ANKRD66: variants seen among roughly 807,000 people sequenced by gnomAD.
ANKRD66 encodes the protein ankyrin repeat domain-containing protein 66.
In ANKRD66, 10 loss-of-function variants were observed where a neutral mutation model predicts 10.9. The observed-to-expected ratio is 0.91, with a 90% CI of 0.56 to 1.55. ANKRD66 has a LOEUF of 1.55. ANKRD66 is among the 40% of genes most tolerant of loss of function. The pLI is 0.00. For missense variants in ANKRD66, 252 were observed against 242.9 expected, an observed-to-expected ratio of 1.04 and a Z score of -0.25; for synonymous variants, 85 against 88.4, an observed-to-expected ratio of 0.96 and a Z score of 0.22.
intron 1 of ANKRD66, among the ~76,000 whole-genome samples, chr6:46,747,601 G>T (rs1203902888): frequency 6.6e-6 from 1 of 152,084 alleles, no homozygotes; most frequent in African/African-American, 2.4e-5. Flanking sequence ...ATGTTTCAAG[G>T]TTCATCCATA....
chr6:46,758,903 CA>C lies in ANKRD66; in HGVS notation c.575del (p.Lys192ArgfsTer23). 1 of 1,550,486 alleles carries C rather than the reference CA, an allele frequency of 6.4e-7. No homozygotes were observed. The highest frequency in any genetic ancestry group is 8.7e-7 in the Non-Finnish European group (1 of 1,146,450). On this transcript the variant is annotated frameshift_variant, in exon 5 of 5. Coordinates refer to ENST00000565422, the MANE Select transcript of ANKRD66 (RefSeq NM_001162435.3). LOFTEE classifies it high-confidence loss of function. ...SRGPTRPSNT[K>X]GRRV Reference sequence around the variant, plus strand: ...GAGGCCCCACCAGGCCCAGCAATACCAAGGGGAGGAGAGTATGAGAACTCAA... The same window carrying C: ...GAGGCCCCACCAGGCCCAGCAATACCAGGGGAGGAGAGTATGAGAACTCAA...
chr6:46,757,705 G>A (rs992255725), intron 4 of ANKRD66: 1 of 152,152 alleles, frequency 6.6e-6, no homozygotes, highest in East Asian at 1.9e-4. Flanking sequence ...ATATCCTAGG[G>A]AATGTTGTGA....
chr6:46,752,389 C>A (rs539813532), intron 3 of ANKRD66, among the ~76,000 whole-genome samples: 31 of 152,250 alleles, frequency 2.0e-4, no homozygotes, highest in African/African-American at 7.2e-4. Flanking sequence ...CATGTGCCAC[C>A]ACGACTAGTG....
Position 46,753,724 on chromosome 6 carries a change from C to A in ANKRD66, c.166C>A (p.Gln56Lys), listed in dbSNP as rs1263030825. The change falls in exon 4 of 5, where the codon CAA becomes AAA. Residue 56 changes from glutamine (Q) to lysine (K), a missense_variant and splice_region_variant. By Grantham distance (53) the Gln-to-Lys change is moderately conservative. Transcript: ENST00000565422. ...TPLHWAAIKG[Q>K]MEVIRLLIEY... ...TGTTTCTTTTTGGTACATCTAAGGG[C>A]AAATGGAGGTGATACGGCTCCTGAT... is the stretch of plus-strand genomic sequence containing the variant. The A allele has an allele frequency of 1.3e-6, 2 of 1,546,172 alleles. No homozygotes were observed. Among genetic ancestry groups the A allele is most frequent in the African/African-American group, 1.4e-5 (1 of 72,936 alleles).
intron 1 of ANKRD66, among the ~76,000 whole-genome samples, chr6:46,747,506 T>A (rs1215304103): frequency 6.6e-6 from 1 of 152,238 alleles, no homozygotes; most frequent in Non-Finnish European, 1.5e-5. Context: ...ACATTCTAGC[T>A]ATCTAGATTT....
intron 4 of ANKRD66, among the ~76,000 whole-genome samples, chr6:46,755,889 A>G (rs910306298): frequency 6.6e-6 from 1 of 152,206 alleles, no homozygotes; most frequent in African/African-American, 2.4e-5. Flanking sequence ...ATAATTTTTG[A>G]ATAGTTTTCT....
chr6:46,748,327 G>A (rs1229850176), intron 1 of ANKRD66, among the ~76,000 whole-genome samples: 1 of 152,094 alleles, frequency 6.6e-6, no homozygotes, highest in African/African-American at 2.4e-5. Flanking sequence ...CACTTGAATT[G>A]CAACTCACCC....
intron 3 of ANKRD66, among the ~76,000 whole-genome samples, chr6:46,752,337 C>T (rs756527314): frequency 2.0e-5 from 3 of 152,160 alleles, no homozygotes; most frequent in South Asian, 4.1e-4. Flanking sequence ...TGGGTTCAAG[C>T]GATTCTCCTG....
At chr6:46,754,673 G>A (rs1269194327) in intron 4 of ANKRD66, among the ~76,000 whole-genome samples, 1 of 152,150 alleles carries the variant, frequency 6.6e-6, no homozygotes, top group African/African-American at 2.4e-5. Context: ...TCATGATGGG[G>A]TGCCCTCCGA....
intron 4 of ANKRD66, among the ~76,000 whole-genome samples, chr6:46,755,019 A>T (rs916472596): frequency 5.3e-5 from 8 of 152,190 alleles, no homozygotes; most frequent in Non-Finnish European, 7.4e-5. Flanking sequence ...TCACTTTATC[A>T]GTTCCTGCAT....
At chr6:46,750,544 C>A (rs186678410) in intron 2 of ANKRD66, among the ~76,000 whole-genome samples, 1 of 150,902 alleles carries the variant, frequency 6.6e-6, no homozygotes, top group Middle Eastern at 3.5e-3. Flanking sequence ...TAAAGACAAT[C>A]TGGTTATACA....
Position 46,751,969 on chromosome 6 carries a change from A to G in ANKRD66, c.21A>G (p.Ser7=). The G allele has an allele frequency of 1.4e-6, 2 of 1,471,402 alleles. No individual in the cohort carries two copies. Among genetic ancestry groups the G allele is most frequent in the Non-Finnish European group, 1.8e-6 (2 of 1,114,058 alleles). The allele number at this position is 1,471,402 out of a possible 1,614,324, so 91.1% of individuals were successfully genotyped here. A position where few individuals can be genotyped will look rare whatever the true frequency, so the allele number is the denominator to read the frequency against. Residue 7 remains serine (S), a synonymous_variant, in exon 3 of 5, where the codon TCA becomes TCG. Coordinates refer to ENST00000565422, the MANE Select transcript of ANKRD66 (RefSeq NM_001162435.3). ...CTGCCATGGAATTGGCCAAAATGTC[A>G]GACATGACAAAGCTTCACCAAGCTG... The part of the protein sequence containing the change: MELAKM[S]DMTKLHQAVA...
rs1397358380 is a variant in ANKRD66, at chr6:46,753,940, T to C, written c.382T>C (p.Phe128Leu). 1 of 1,550,798 alleles carries C rather than the reference T, an allele frequency of 6.4e-7. No homozygotes were observed. Among genetic ancestry groups the C allele is most frequent in the African/African-American group, 1.4e-5 (1 of 72,990 alleles). Residue 128 changes from phenylalanine (F) to leucine (L), a missense_variant, in exon 4 of 5, where the codon TTT (phenylalanine) becomes CTT (leucine). Physicochemically the swap from Phe to Leu is conservative, Grantham distance 22 (BLOSUM62 0). Transcript: ENST00000565422. ...CTATGGACAGAAAGCCTGTGTGGCA[T>C]TTCTGGAAAAGTAAGTTTATTTTTT... ...QIYGQKACVA[F>L]LEKAEPECQD... is the part of the protein sequence containing the mutation.
At chr6:46,754,009 G>A in intron 4 of ANKRD66, 59 bp downstream of exon 4, 1 of 1,396,400 alleles carries the variant, frequency 7.2e-7, no homozygotes, top group Non-Finnish European at 9.7e-7. Context: ...CTGTGATCAA[G>A]ATCTTGGGTG....
In ANKRD66 at chr6:46,749,897, G is replaced by A. The variant is rs971457818; in HGVS notation, c.-95G>A. The A allele has an allele frequency of 1.4e-5, 22 of 1,549,892 alleles. No individual in the cohort carries two copies. The highest frequency in any genetic ancestry group is 3.3e-4 in the Middle Eastern group (2 of 6,010). ...TTACTTTTCTTTCTCTCCCTCCAGG[G>A]CTGTTCTCACATTTCAATGCACTCA... On this transcript the variant is annotated splice_region_variant and 5_prime_UTR_variant, in exon 2 of 5. Transcript: ENST00000565422.
In ANKRD66 at chr6:46,758,729, G is replaced by T; in HGVS notation, c.399G>T (p.Glu133Asp). 1.3e-6 allele frequency: 2 copies of T among 1,547,878 alleles called. No individual in the cohort carries two copies. Among genetic ancestry groups the T allele is most frequent in the Non-Finnish European group, 1.7e-6 (2 of 1,146,044 alleles). ...KACVAFLEKA[E>D]PECQDHRCAA... ...GCTCTCTCTTCTTTCCTAGGGCAGAGCCCGAGTGCCAGGACCACCGTTGCG... is the reference window on the plus strand; with the variant it reads ...GCTCTCTCTTCTTTCCTAGGGCAGATCCCGAGTGCCAGGACCACCGTTGCG... Residue 133 changes from glutamate to aspartate, a missense_variant, in exon 5 of 5, where the codon GAG (glutamate) becomes GAT (aspartate). Transcript: ENST00000565422.
intron 4 of ANKRD66, among the ~76,000 whole-genome samples, chr6:46,755,131 A>G (rs1472921867): frequency 6.6e-6 from 1 of 152,146 alleles, no homozygotes; most frequent in Non-Finnish European, 1.5e-5. Context: ...TTCCTCTACC[A>G]TATGAGTACC....
chr6:46,758,763 C>A lies in ANKRD66; in HGVS notation c.433C>A (p.Gln145Lys), dbSNP rs9472839. Residue 145 changes from glutamine to lysine, a missense_variant, in exon 5 of 5, where the codon CAG becomes AAG. Coordinates refer to ENST00000565422, the MANE Select transcript of ANKRD66 (RefSeq NM_001162435.3). ...ECQDHRCAAQ[Q>K]KGLPLDERDE... The stretch of plus-strand genomic sequence containing the variant: ...CCAGGACCACCGTTGCGCTGCCCAG[C>A]AGAAGGGGCTGCCTCTGGATGAGCG... 0.11 allele frequency: 164,804 copies of A among 1,550,656 alleles called. 9,909 individuals carry two copies. Among genetic ancestry groups the A allele is most frequent in the African/African-American group, 0.17 (12,508 of 73,076 alleles).
Position 46,758,965 on chromosome 6 carries a change from C to G in ANKRD66, c.*44C>G, listed in dbSNP as rs1766432835. On this transcript the variant is annotated 3_prime_UTR_variant, in exon 5 of 5. Transcript: ENST00000565422. ...TCTGGCAAGGAACTTTCCCTGGTGCCAGAAATGAGGCTGTTAGGCATGGTG... is the reference window on the plus strand; with the variant it reads ...TCTGGCAAGGAACTTTCCCTGGTGCGAGAAATGAGGCTGTTAGGCATGGTG... 3.3e-6 allele frequency: 5 copies of G among 1,496,130 alleles called. No individual in the cohort carries two copies. 92.7% of individuals were successfully genotyped at this position (1,496,130 alleles called of 1,614,324 possible). A position where few individuals can be genotyped will look rare whatever the true frequency, so the allele number is the denominator to read the frequency against.
Sources: gnomAD v4.1 joint callset for allele counts (sites outside exome capture counted in the v4.1 genomes callset) on GRCh38, gnomAD v4.1.1 for gene constraint, MANE v1.5 for transcripts, NCBI Gene and HGNC (gene_info 2026-07-23, HGNC 2026-07-21) for gene names.